The following DAB1 variants were observed in gnomAD, a reference collection of about 807,000 sequenced individuals.
The protein encoded by DAB1 is disabled homolog 1.
In DAB1, 15 loss-of-function variants were observed where a neutral mutation model predicts 64.6. That is an observed-to-expected ratio of 0.23 (90% confidence interval 0.16 to 0.36). The LOEUF is 0.36. DAB1 is among the 10% of genes least tolerant of loss of function. The pLI is 1.00. For missense variants in DAB1, 596 were observed against 706.7 expected, an observed-to-expected ratio of 0.84 and a Z score of 1.78; for synonymous variants, 235 against 251.9, an observed-to-expected ratio of 0.93 and a Z score of 0.64.
intron 4 of DAB1, among the ~76,000 whole-genome samples, chr1:58,217,459 G>A (rs1370109393): frequency 2.0e-5 from 3 of 152,218 alleles, no homozygotes; most frequent in Non-Finnish European, 4.4e-5. Flanking sequence ...CAAGTAGGGA[G>A]GAGGACATCA....
intron 3 of DAB1, among the ~76,000 whole-genome samples, chr1:58,405,679 G>T (rs181382244): frequency 1.4e-4 from 21 of 152,324 alleles, no homozygotes; most frequent in African/African-American, 4.6e-4. Context: ...GTAAACTCCA[G>T]GAGGAAAGTA....
At chr1:58,169,919 C>A (rs1004065045) in intron 4 of DAB1, among the ~76,000 whole-genome samples, 6 of 152,198 alleles carry the variant, frequency 3.9e-5, no homozygotes, top group Non-Finnish European at 7.3e-5. Context: ...CAGATCAAGG[C>A]AGACTTGGGG....
chr1:57,649,569 C>T (rs1646232591), intron 7 of DAB1: 1 of 152,134 alleles, frequency 6.6e-6, no homozygotes, highest in South Asian at 2.1e-4. Flanking sequence ...ACCAACGATA[C>T]CCAGCCAGAC....
rs1389622270 is a variant in DAB1, at chr1:58,324,212, A to G, written n.309+19140T>C. ...TTGTATTATAATAGCCTCGCTGCAT[A>G]TGCTTCTTTAGTGGTAGACCTCCTC... On this transcript the variant is annotated intron_variant and non_coding_transcript_variant, in intron 4 of 20. Transcript: ENST00000485760. Among the ~76,000 whole-genome samples the G allele has an allele frequency of 2.9e-4, 44 of 152,164 alleles. 1 individual carries two copies. The highest frequency in any genetic ancestry group is 7.3e-5 in the Non-Finnish European group (5 of 68,036).
intron 3 of DAB1, among the ~76,000 whole-genome samples, chr1:58,476,230 T>A (rs1242664407): frequency 6.6e-6 from 1 of 152,178 alleles, no homozygotes; most frequent in African/African-American, 2.4e-5. Context: ...AAAATAATTT[T>A]TTTTTTCTTT....
intron 2 of DAB1, among the ~76,000 whole-genome samples, chr1:57,163,449 G>A (rs1401415902): frequency 6.6e-6 from 1 of 152,028 alleles, no homozygotes; most frequent in Non-Finnish European, 1.5e-5. Flanking sequence ...GAGCAAGCAA[G>A]GGGAAGGGGG....
At chr1:57,414,337 A>G (rs1025430668) in intron 1 of DAB1, among the ~76,000 whole-genome samples, 1 of 152,236 alleles carries the variant, frequency 6.6e-6, no homozygotes, top group Admixed American at 6.5e-5. Context: ...GTAGCCACCA[A>G]CATTGAGGTA....
At chr1:57,508,858 T>G (rs1391575776) in intron 7 of DAB1, among the ~76,000 whole-genome samples, 3 of 152,070 alleles carry the variant, frequency 2.0e-5, no homozygotes. Context: ...ATATGTGCAT[T>G]TATATAAGCA....
intron 5 of DAB1, among the ~76,000 whole-genome samples, chr1:58,147,734 T>G (rs1163945116): frequency 6.6e-6 from 1 of 152,104 alleles, no homozygotes; most frequent in African/African-American, 2.4e-5. Flanking sequence ...AGCAAATAAC[T>G]TTCATTGAGA....
intron 1 of DAB1, among the ~76,000 whole-genome samples, chr1:57,854,606 C>T (rs1653674531): frequency 1.3e-5 from 2 of 152,222 alleles, no homozygotes; most frequent in South Asian, 4.1e-4. Context: ...CAAGTCTGTG[C>T]TGCCAATGCC....
chr1:57,096,102 C>T (rs12405609), intron 4 of DAB1, among the ~76,000 whole-genome samples: 2,170 of 152,178 alleles, frequency 0.014, 41 homozygotes, highest in Admixed American at 0.05. Context: ...TGGATCATTG[C>T]TATTATTATC....
chr1:57,906,938 AG>A (rs1569964251), intron 5 of DAB1, among the ~76,000 whole-genome samples: 1 of 5,984 alleles, frequency 1.7e-4, no homozygotes, highest in East Asian at 3.7e-3. Flanking sequence ...TATAATATGC[AG>A]ATAGATAGAT....
intron 2 of DAB1, among the ~76,000 whole-genome samples, chr1:57,257,394 C>T (rs1438353407): frequency 2.6e-5 from 4 of 152,202 alleles, no homozygotes; most frequent in Non-Finnish European, 5.9e-5. Context: ...AACTTAATGC[C>T]TAGCATTTTC....
At chr1:57,376,124 A>T (rs1237762257) in intron 1 of DAB1, among the ~76,000 whole-genome samples, 1 of 152,178 alleles carries the variant, frequency 6.6e-6, no homozygotes, top group South Asian at 2.1e-4. Context: ...TGTCTTCCAC[A>T]CACCCAAGCA....
At position 57,683,667 on chromosome 1, in the gene DAB1, G is replaced by A. The variant is rs142578698; in HGVS notation, n.552-34002C>T. On this transcript the variant is annotated intron_variant and non_coding_transcript_variant, in intron 6 of 20. Transcript: ENST00000485760. ...ATGCCACAGTGAAAGGAACACCAGC[G>A]CTCTACCAAGATGAAAAAGAGTCAG... Among the ~76,000 whole-genome samples the A allele has an allele frequency of 8.8e-4, 134 of 152,220 alleles. 2 individuals are homozygous for A. Among genetic ancestry groups the A allele is most frequent in the African/African-American group, 3.1e-3 (128 of 41,534 alleles).
intron 1 of DAB1, among the ~76,000 whole-genome samples, chr1:57,827,089 A>G (rs1319450270): frequency 3.3e-5 from 5 of 152,216 alleles, no homozygotes; most frequent in Non-Finnish European, 7.3e-5. Context: ...ATTGTTTAAT[A>G]TAAGATGAGC....
At chr1:57,217,546 A>G (rs1666521219) in intron 2 of DAB1, among the ~76,000 whole-genome samples, 1 of 152,164 alleles carries the variant, frequency 6.6e-6, no homozygotes, top group Non-Finnish European at 1.5e-5. Flanking sequence ...TTATCACTGA[A>G]ACACATCCCT....
intron 2 of DAB1, among the ~76,000 whole-genome samples, chr1:57,195,834 T>C (rs975234609): frequency 6.6e-6 from 1 of 152,226 alleles, no homozygotes; most frequent in Admixed American, 6.5e-5. Flanking sequence ...ACTTGACAAT[T>C]GGTGGCTATT....
At chr1:57,816,284 A>G (rs1557496609) in intron 6 of DAB1, among the ~76,000 whole-genome samples, 1 of 152,188 alleles carries the variant, frequency 6.6e-6, no homozygotes, top group African/African-American at 2.4e-5. Context: ...CCATCTCACT[A>G]TGCCATGCAG....
Sources: allele counts gnomAD v4.1 joint callset (sites outside exome capture counted in the v4.1 genomes callset), GRCh38; gene constraint gnomAD v4.1.1; transcripts MANE v1.5; gene names NCBI Gene and HGNC (gene_info 2026-07-23, HGNC 2026-07-21).